Variants in POF1B observed in about 807,000 individuals in gnomAD.
The protein encoded by POF1B is protein POF1B.
A neutral mutation model predicts 55.3 loss-of-function variants in POF1B; 53 were observed. That is an observed-to-expected ratio of 0.96 (90% CI 0.77 to 1.20). POF1B has a LOEUF of 1.20. POF1B is among the 50% of genes most tolerant of loss of function. The pLI is 0.00. For missense variants in POF1B, 478 were observed against 420.5 expected (o/e 1.14, Z -1.20); for synonymous variants, 188 against 148.3 (o/e 1.27, Z -1.95).
At chrX:85,376,867 A>G (rs12012460) in intron 2 of POF1B, among the ~76,000 whole-genome samples, 3,079 of 111,699 alleles carry the variant, frequency 0.028, 86 homozygotes, top group African/African-American at 0.084. Context: ...AACATATTTT[A>G]CTACTGGTAA....
At position 85,305,487 on chromosome X, in the gene POF1B, C is replaced by T. The variant is rs75927548; in HGVS notation, c.1437+304G>A. Among the ~76,000 whole-genome samples, 5 of 110,847 alleles carry T rather than the reference C, an allele frequency of 4.5e-5. No individual in the cohort carries two copies. In the East Asian group the frequency reaches 1.4e-3, roughly 32 times the overall value. On this transcript the variant is annotated intron_variant, in intron 13 of 16. Coordinates refer to ENST00000262753, the MANE Select transcript of POF1B (RefSeq NM_024921.4). ...TATTGCTTTTGCCTACATAAGCATG[C>T]TTTAGGCAAGATCATGAAGAGTCCT...
chrX:85,354,258 T>C (rs889409217), intron 4 of POF1B, among the ~76,000 whole-genome samples: 3 of 110,922 alleles, frequency 2.7e-5, no homozygotes, highest in African/African-American at 9.8e-5. Flanking sequence ...ATACTGTGTT[T>C]TAAATAATAT....
chrX:85,346,061 C>A lies in POF1B; in HGVS notation c.541-19G>T. 1 of 1,041,364 alleles carries A rather than the reference C, an allele frequency of 9.6e-7. No individual in the cohort carries two copies. The allele number at this position is 1,041,364 out of a possible 1,213,427, so 85.8% of individuals were successfully genotyped here. A position where few individuals can be genotyped will look rare whatever the true frequency, so the allele number is the denominator to read the frequency against. On this transcript the variant is annotated intron_variant, in intron 5 of 16. Coordinates refer to ENST00000262753, the MANE Select transcript of POF1B (RefSeq NM_024921.4). Reference sequence around the variant, plus strand: ...GGCACCCCTAAGACACATACACATGCCAAAAACAGCCACTTAGGATAAACA... The same window carrying A: ...GGCACCCCTAAGACACATACACATGACAAAAACAGCCACTTAGGATAAACA...
chrX:85,351,266 G>T, intron 5 of POF1B, 84 bp downstream of exon 5: 1 of 593,245 alleles, frequency 1.7e-6, no homozygotes, highest in Non-Finnish European at 2.6e-6. Flanking sequence ...TTGCACTTCA[G>T]AGTTGAATGT....
rs369204037 is a variant in POF1B at position 85,353,604 on chromosome X, C to A, written c.439-2153G>T. ...GCATAGTAATCCCTTTAACATGTCA[C>A]AAATGATTGCAAATAGCTCCCAAAG... On this transcript the variant is annotated intron_variant, in intron 4 of 16. Coordinates refer to ENST00000262753, the MANE Select transcript of POF1B (RefSeq NM_024921.4). 3.6e-5 allele frequency among the ~76,000 whole-genome samples: 4 copies of A among 111,017 alleles called. No individual in the cohort carries two copies. In the South Asian group the frequency reaches 1.5e-3, roughly 42 times the overall value.
At chrX:85,324,202 G>A (rs1250823199) in intron 7 of POF1B, among the ~76,000 whole-genome samples, 2 of 111,895 alleles carry the variant, frequency 1.8e-5, no homozygotes, top group African/African-American at 6.5e-5. Flanking sequence ...TTGTTTTGAG[G>A]TGGAGAGTTC....
At chrX:85,288,303 T>C (rs751634051) in intron 15 of POF1B, among the ~76,000 whole-genome samples, 8 of 110,787 alleles carry the variant, frequency 7.2e-5, no homozygotes, top group African/African-American at 2.6e-4. Context: ...CTCTACCCTG[T>C]CCCCCACTTG....
At position 85,304,342 on chromosome X, in the gene POF1B, C is replaced by T; in HGVS notation, c.1566+1G>A. 1 of 1,180,336 alleles carries T rather than the reference C, an allele frequency of 8.5e-7. No individual in the cohort carries two copies. Among genetic ancestry groups the T allele is most frequent in the Non-Finnish European group, 1.1e-6 (1 of 878,963 alleles). ...TCCATCCCCACCCCTTCCTTTTATA[C>T]CTCTGACTGACGCTTTATGAGGGAA... On this transcript the variant is annotated splice_donor_variant, in intron 14 of 16. Transcript: ENST00000262753. LOFTEE classifies it high-confidence loss of function.
chrX:85,317,011 T>C (rs1333239122), intron 7 of POF1B, among the ~76,000 whole-genome samples: 1 of 110,685 alleles, frequency 9.0e-6, no homozygotes, highest in Non-Finnish European at 1.9e-5. Context: ...TTGCTAAGAA[T>C]AACAGCCTCC....
At position 85,345,920 on chromosome X, in the gene POF1B, T is replaced by G; in HGVS notation, c.663A>C (p.Pro221=). 3 of 1,208,527 alleles carry G rather than the reference T, an allele frequency of 2.5e-6. No individual in the cohort carries two copies. The South Asian group carries it at 5.3e-5, about 21-fold the overall frequency. ...GTTCATTTCCAATATGTGTAGAAAT[T>G]GGATTATTTCCTGTGATGGCTTGGA... is the stretch of plus-strand genomic sequence containing the variant. ...QQIQAITGNN[P]ISTHIGNELC... is the part of the protein sequence containing the mutation. The change falls in exon 6 of 17, where the codon CCA becomes CCC. Residue 221 remains proline (P), a synonymous_variant. Transcript: ENST00000262753.
In POF1B at chrX:85,346,027, C is replaced by A; in HGVS notation, c.556G>T (p.Ala186Ser). 2.5e-6 allele frequency: 3 copies of A among 1,187,318 alleles called. No homozygotes were observed. Among genetic ancestry groups the A allele is most frequent in the Non-Finnish European group, 3.4e-6 (3 of 882,644 alleles). The part of the protein sequence containing the change: ...LNTDQGCHPQ[A>S]QCHHHIIQQP... ...TGGATAATGTGATGATGGCATTGAG[C>A]CTGAGGATGGCACCCCTAAGACACA... Residue 186 changes from alanine to serine, a missense_variant, in exon 6 of 17, where the codon GCT (alanine) becomes TCT (serine). Ala to Ser is a moderately conservative substitution (Grantham distance 99, BLOSUM62 1). Transcript: ENST00000262753.
At chrX:85,356,464 G>GA (rs764152936) in intron 4 of POF1B, among the ~76,000 whole-genome samples, 287 of 103,265 alleles carry the variant, frequency 2.8e-3, no homozygotes, top group Middle Eastern at 0.02. Flanking sequence ...AATAAAAAAA[G>GA]AAAAAAAAAG....
chrX:85,307,719 A>G (rs942090554), intron 10 of POF1B, among the ~76,000 whole-genome samples: 1 of 112,104 alleles, frequency 8.9e-6, no homozygotes, highest in African/African-American at 3.2e-5. Context: ...CAATTAAAAT[A>G]GAAAATGGAA....
chrX:85,364,487 T>G (rs1215596605), intron 3 of POF1B, among the ~76,000 whole-genome samples: 3 of 111,916 alleles, frequency 2.7e-5, no homozygotes, highest in Non-Finnish European at 5.6e-5. Flanking sequence ...AAAATAATCT[T>G]ATTTCTCCTT....
chrX:85,360,410 A>T (rs1004443723), intron 3 of POF1B, among the ~76,000 whole-genome samples: 1 of 104,064 alleles, frequency 9.6e-6, no homozygotes, highest in African/African-American at 3.6e-5. Context: ...AACATGCGGT[A>T]TTTGGTTTTC....
intron 6 of POF1B, among the ~76,000 whole-genome samples, chrX:85,343,326 C>T (rs748109652): frequency 3.6e-5 from 4 of 110,720 alleles, no homozygotes; most frequent in Non-Finnish European, 7.6e-5. Flanking sequence ...CATTAGTTAC[C>T]CAACTTTGCC....
In POF1B at chrX:85,317,641, A is replaced by G. The variant is rs1440059881; in HGVS notation, c.855-1907T>C. ...GAGGTTGTTTGTTTTTTGCTTGTAA[A>G]TTGTCAAAAAGAAGTGTGGCAATTT... On this transcript the variant is annotated intron_variant, in intron 7 of 16. Transcript: ENST00000262753. 6.3e-5 allele frequency among the ~76,000 whole-genome samples: 7 copies of G among 110,437 alleles called. No individual in the cohort carries two copies. The Admixed American group carries it at 6.8e-4, about 11-fold the overall frequency.
At chrX:85,361,955 C>CGT (rs3049233) in intron 3 of POF1B, among the ~76,000 whole-genome samples, 5,174 of 94,165 alleles carry the variant, frequency 0.055, 160 homozygotes, top group African/African-American at 0.11. Context: ...CTAGGTATTT[C>CGT]GTGTGTGTGT....
At chrX:85,363,140 C>A (rs1253923810) in intron 3 of POF1B, among the ~76,000 whole-genome samples, 2 of 111,264 alleles carry the variant, frequency 1.8e-5, no homozygotes, top group African/African-American at 6.5e-5. Flanking sequence ...TCTCTCTTTT[C>A]TTCTTTATTA....
Sources: allele counts gnomAD v4.1 joint callset (sites outside exome capture counted in the v4.1 genomes callset), GRCh38; gene constraint gnomAD v4.1.1; transcripts MANE v1.5; gene names NCBI Gene and HGNC (gene_info 2026-07-23, HGNC 2026-07-21).